The following GPM6B variants were observed in gnomAD, a reference collection of about 807,000 sequenced individuals.
GPM6B encodes the protein neuronal membrane glycoprotein M6-b.
GPM6B carries 4 observed loss-of-function variants against 27.2 expected under a neutral mutation model. That is an observed-to-expected ratio of 0.15 (90% CI 0.07 to 0.34). GPM6B has a LOEUF of 0.34. Ranked by LOEUF, GPM6B falls within the 10% of genes least tolerant of loss-of-function variation. The pLI is 1.00. For missense variants in GPM6B, 183 were observed against 261.9 expected (o/e 0.70, Z 2.08); for synonymous variants, 124 against 103.1 (o/e 1.20, Z -1.23).
Position 13,854,001 on chromosome X carries a change from G to A in GPM6B, c.-197-68193C>T, listed in dbSNP as rs750450158. On this transcript the variant is annotated intron_variant, in intron 1 of 6. Transcript: ENST00000398361. ...GCCTTGTCCAAGATAGTCTCAGATT[G>A]GTCAAGTCAACCCTTTTCTGTACAA... Among the ~76,000 whole-genome samples, 9 of 111,796 alleles carry A rather than the reference G, an allele frequency of 8.1e-5. No homozygotes were observed. In the East Asian group the frequency reaches 2.5e-3, roughly 31 times the overall value.
At chrX:13,924,025 C>T (rs1415146036) in intron 1 of GPM6B, among the ~76,000 whole-genome samples, 2 of 112,298 alleles carry the variant, frequency 1.8e-5, no homozygotes, top group Non-Finnish European at 3.8e-5. Context: ...TTATCCGTAA[C>T]GTTTTCCACA....
At chrX:13,783,224 TA>T in intron 4 of GPM6B, 140 bp downstream of exon 4, 1 of 463,372 alleles carries the variant, frequency 2.2e-6, no homozygotes, top group Non-Finnish European at 3.6e-6. Context: ...GTCCTAACTC[TA>T]AATTGGTAAA....
In GPM6B at chrX:13,772,514, G is replaced by A. The variant is rs1266251140; in HGVS notation, c.*367C>T. 1 of 141,802 alleles carries A rather than the reference G, an allele frequency of 7.1e-6. No individual in the cohort carries two copies. 11.7% of individuals were successfully genotyped at this position (141,802 alleles called of 1,213,427 possible). On this transcript the variant is annotated 3_prime_UTR_variant, in exon 8 of 8. Coordinates refer to ENST00000316715, the MANE Select transcript of GPM6B (RefSeq NM_001001995.3). ...GGTCTTATCCCTTGATGCTGGGCAT[G>A]TCACAGGTCCTTATTAAGGAGTCAC...
At chrX:13,884,199 A>G (rs1421968036) in intron 1 of GPM6B, among the ~76,000 whole-genome samples, 1 of 112,590 alleles carries the variant, frequency 8.9e-6, no homozygotes, top group Non-Finnish European at 1.9e-5. Context: ...AAATTTTAAA[A>G]AGTTAATTTC....
At chrX:13,805,927 T>TA (rs749643620) in intron 2 of GPM6B, among the ~76,000 whole-genome samples, 1 of 111,347 alleles carries the variant, frequency 9.0e-6, no homozygotes, top group Admixed American at 9.5e-5. Flanking sequence ...CTTGTTATGT[T>TA]AAAAAATACC....
intron 1 of GPM6B, among the ~76,000 whole-genome samples, chrX:13,857,254 C>G (rs2049792056): frequency 9.0e-6 from 1 of 111,618 alleles, no homozygotes; most frequent in Non-Finnish European, 1.9e-5. Flanking sequence ...GGCTTATGAC[C>G]TGGACATCTA....
intron 1 of GPM6B, among the ~76,000 whole-genome samples, chrX:13,816,010 T>C (rs1003252282): frequency 8.9e-6 from 1 of 111,927 alleles, no homozygotes; most frequent in Non-Finnish European, 1.9e-5. Flanking sequence ...AAAATTACAA[T>C]GCAGTGAGAT....
At chrX:13,890,724 C>A in intron 1 of GPM6B, among the ~76,000 whole-genome samples, 1 of 111,112 alleles carries the variant, frequency 9.0e-6, no homozygotes, top group East Asian at 2.8e-4. Flanking sequence ...CAGTAGCACC[C>A]CCAACTCCAG....
Position 13,777,344 on chromosome X carries a change from G to A in GPM6B, c.771+8C>T, listed in dbSNP as rs1253161803. On this transcript the variant is annotated splice_region_variant and intron_variant, in intron 6 of 7. Transcript: ENST00000316715. The stretch of plus-strand genomic sequence containing the variant: ...CTCAAGGGTTATTCTGAACTGTGAT[G>A]AGTTTACCTCGTTTGTGTTGCAGAT... 2 of 1,174,766 alleles carry A rather than the reference G, an allele frequency of 1.7e-6. No homozygotes were observed. The highest frequency in any genetic ancestry group is 2.3e-6 in the Non-Finnish European group (2 of 861,724).
chrX:13,867,393 A>G (rs1183960515), intron 1 of GPM6B, among the ~76,000 whole-genome samples: 1 of 112,478 alleles, frequency 8.9e-6, no homozygotes, highest in African/African-American at 3.2e-5. Flanking sequence ...TACAAGCGTG[A>G]GCCGCTGTGC....
Position 13,932,850 on chromosome X carries a change from T to C in GPM6B, c.-198+5477A>G, listed in dbSNP as rs189536350. ...TCACCAGAGAAAGAAAAGTATTTTA[T>C]AGCAGCAGAAGAAAAAAAGCTCAAG... is the stretch of plus-strand genomic sequence containing the variant. On this transcript the variant is annotated intron_variant, in intron 1 of 6. Transcript: ENST00000398361. Among the ~76,000 whole-genome samples the C allele has an allele frequency of 2.4e-3, 272 of 111,353 alleles. 1 individual carries two copies. The highest frequency in any genetic ancestry group is 4.3e-3 in the Non-Finnish European group (228 of 53,043).
chrX:13,892,616 A>G (rs2050198753), intron 1 of GPM6B, among the ~76,000 whole-genome samples: 1 of 111,927 alleles, frequency 8.9e-6, no homozygotes, highest in Non-Finnish European at 1.9e-5. Context: ...GCTGGATTCA[A>G]ACTCCTGGGC....
intron 1 of GPM6B, among the ~76,000 whole-genome samples, chrX:13,936,367 A>G (rs1921838093): frequency 8.9e-6 from 1 of 112,110 alleles, no homozygotes; most frequent in Non-Finnish European, 1.9e-5. Context: ...TATTTCTACA[A>G]ACCTCATCTA....
At chrX:13,832,202 G>A (rs1018856307) in intron 1 of GPM6B, among the ~76,000 whole-genome samples, 1 of 111,676 alleles carries the variant, frequency 9.0e-6, no homozygotes, top group Non-Finnish European at 1.9e-5. Context: ...TGACTCTACT[G>A]CAAGTGTGAC....
At chrX:13,884,910 G>A (rs986938073) in intron 1 of GPM6B, among the ~76,000 whole-genome samples, 1 of 111,913 alleles carries the variant, frequency 8.9e-6, no homozygotes, top group African/African-American at 3.2e-5. Flanking sequence ...ATGTAGTGAT[G>A]GACTCAAATG....
chrX:13,894,932 C>T (rs2050219324), intron 1 of GPM6B, among the ~76,000 whole-genome samples: 1 of 112,092 alleles, frequency 8.9e-6, no homozygotes, highest in Non-Finnish European at 1.9e-5. Context: ...AACTGTTCAG[C>T]CCTAGGAGAT....
chrX:13,855,024 C>G (rs1216443294), intron 1 of GPM6B, among the ~76,000 whole-genome samples: 3 of 91,090 alleles, frequency 3.3e-5, no homozygotes, highest in African/African-American at 1.4e-4. Context: ...TTAGCCACTC[C>G]CCTTTTTTTT....
intron 1 of GPM6B, among the ~76,000 whole-genome samples, chrX:13,896,681 C>A (rs1255194063): frequency 9.1e-6 from 1 of 110,494 alleles, no homozygotes; most frequent in Non-Finnish European, 1.9e-5. Context: ...GATTTTCCTG[C>A]CTCAGCCTCC....
intron 2 of GPM6B, among the ~76,000 whole-genome samples, chrX:13,791,663 T>C (rs2048715429): frequency 8.9e-6 from 1 of 112,163 alleles, no homozygotes; most frequent in South Asian, 3.7e-4. Flanking sequence ...AAAGGCTATT[T>C]TGTCTCCAGT....
Sources: gnomAD v4.1 joint callset for allele counts (sites outside exome capture counted in the v4.1 genomes callset) on GRCh38, gnomAD v4.1.1 for gene constraint, MANE v1.5 for transcripts, NCBI Gene and HGNC (gene_info 2026-07-23, HGNC 2026-07-21) for gene names.